Variants in PDK1 observed in about 807,000 individuals in gnomAD.
PDK1 encodes the protein [Pyruvate dehydrogenase (acetyl-transferring)] kinase isozyme 1, mitochondrial.
A neutral mutation model predicts 54.2 loss-of-function variants in PDK1; 39 were observed. The observed-to-expected ratio is 0.72, with a 90% confidence interval of 0.56 to 0.94. PDK1 has a LOEUF of 0.94. Among genes scored for constraint, PDK1 ranks in the 40% least tolerant of loss-of-function variants. PDK1 has a pLI of 0.00. For synonymous variants in PDK1, 221 were observed against 207.1 expected, an observed-to-expected ratio of 1.07 and a Z score of -0.58; for missense variants, 552 against 566.0, an observed-to-expected ratio of 0.98 and a Z score of 0.25.
intron 8 of PDK1, among the ~76,000 whole-genome samples, chr2:172,584,440 C>T (rs1006327653): frequency 3.3e-5 from 5 of 150,244 alleles, no homozygotes; most frequent in Non-Finnish European, 5.9e-5. Flanking sequence ...ATATGGAGTT[C>T]TATATAATAT....
the PDK1 span, among the ~76,000 whole-genome samples, chr2:172,675,593 G>A: frequency 6.6e-6 from 1 of 152,204 alleles, no homozygotes; most frequent in African/African-American, 2.4e-5. Flanking sequence ...TGAGAGAGGT[G>A]AGGAAGCTAC....
At position 172,558,823 on chromosome 2, in the gene PDK1, A is replaced by G. The variant is rs1688499315; in HGVS notation, c.312A>G (p.Thr104=). 2.5e-6 allele frequency: 4 copies of G among 1,612,106 alleles called. No individual in the cohort carries two copies. Among genetic ancestry groups the G allele is most frequent in the Non-Finnish European group, 3.4e-6 (4 of 1,179,286 alleles). The change falls in exon 2 of 11, where the codon ACA becomes ACG. Residue 104 remains threonine, a synonymous_variant. Coordinates refer to ENST00000282077, the MANE Select transcript of PDK1 (RefSeq NM_002610.5). The part of the protein sequence containing the change: ...ISLLPDNLLR[T]PSVQLVQSWY... ...TCCTTCCAGATAATCTTCTCAGGAC[A>G]CCATCCGTTCAATTGGTACAAAGCT...
At position 172,556,125 on chromosome 2, in the gene PDK1, C is replaced by G. The variant is rs1194258591; in HGVS notation, c.-26C>G. The G allele has an allele frequency of 7.2e-7, 1 of 1,381,594 alleles. No homozygotes were observed. The highest frequency in any genetic ancestry group is 1.5e-5 in the African/African-American group (1 of 65,458). The allele number at this position is 1,381,594 out of a possible 1,614,324, so 85.6% of individuals were successfully genotyped here. ...GGCGCGGGGAAACCTGGCGTACTGG[C>G]TGTGGCTTCTCTAGCGGGACTCGGC... On this transcript the variant is annotated 5_prime_UTR_variant, in exon 1 of 11. Transcript: ENST00000282077.
chr2:172,702,338 A>G, the PDK1 span, among the ~76,000 whole-genome samples: 11 of 152,158 alleles, frequency 7.2e-5, no homozygotes, highest in East Asian at 1.2e-3. Context: ...TTAGCGGCGC[A>G]TGATGGCGGA....
rs1026547853 is a variant in PDK1 at position 172,571,524 on chromosome 2, C to A, written c.945+700C>A. Among the ~76,000 whole-genome samples, 3 of 152,206 alleles carry A rather than the reference C, an allele frequency of 2.0e-5. No individual in the cohort carries two copies. In the South Asian group the frequency reaches 6.2e-4, roughly 32 times the overall value. ...GACTGCAGGCTGCAGGCATGCAAGC[C>A]TGGCTAATTAAAAGAATTTTTTGGT... On this transcript the variant is annotated intron_variant, in intron 8 of 10. Transcript: ENST00000282077.
the PDK1 span, among the ~76,000 whole-genome samples, chr2:172,720,363 C>T: frequency 2.0e-5 from 3 of 152,146 alleles, no homozygotes; most frequent in Admixed American, 6.5e-5. Context: ...AATCCGCCCA[C>T]CTCGGCCTCC....
the PDK1 span, among the ~76,000 whole-genome samples, chr2:172,669,092 C>G: frequency 8.0e-6 from 1 of 124,630 alleles, no homozygotes; most frequent in African/African-American, 3.1e-5. Context: ...CGGAGTCTCG[C>G]TCTGTCGCCC....
the PDK1 span, among the ~76,000 whole-genome samples, chr2:172,670,642 A>C: frequency 6.6e-6 from 1 of 152,244 alleles, no homozygotes; most frequent in Non-Finnish European, 1.5e-5. Context: ...CATTAAAAAA[A>C]TTAAGGTTTT....
chr2:172,556,578 A>T, intron 1 of PDK1: 1 of 375,184 alleles, frequency 2.7e-6, no homozygotes, highest in Non-Finnish European at 4.7e-6. Flanking sequence ...GTTGAAAACA[A>T]ACCAGCTGGG....
chr2:172,651,829 G>C, the PDK1 span, among the ~76,000 whole-genome samples: 1 of 152,070 alleles, frequency 6.6e-6, no homozygotes, highest in African/African-American at 2.4e-5. Flanking sequence ...ATAATTAATA[G>C]CCTACCAACC....
chr2:172,669,896 G>T, the PDK1 span, among the ~76,000 whole-genome samples: 1 of 152,082 alleles, frequency 6.6e-6, no homozygotes, highest in African/African-American at 2.4e-5. Flanking sequence ...GTATATTTTG[G>T]ATATTAACAC....
chr2:172,574,138 C>A (rs527575218), intron 8 of PDK1, among the ~76,000 whole-genome samples: 11 of 152,268 alleles, frequency 7.2e-5, no homozygotes, highest in African/African-American at 2.6e-4. Context: ...CATCTTCATT[C>A]TTTTGCATGT....
At chr2:172,561,558 G>A (rs6728257) in intron 2 of PDK1, among the ~76,000 whole-genome samples, 6,164 of 152,252 alleles carry the variant, frequency 0.04, 422 homozygotes, top group African/African-American at 0.14. Context: ...CTCTGGCCCC[G>A]CAGTGCCATT....
the PDK1 span, among the ~76,000 whole-genome samples, chr2:172,650,591 C>T: frequency 3.9e-5 from 6 of 151,974 alleles, no homozygotes; most frequent in East Asian, 1.9e-4. Context: ...ACCCATCTCA[C>T]GTGCAGAGAC....
chr2:172,655,536 G>T, the PDK1 span, among the ~76,000 whole-genome samples: 1 of 152,204 alleles, frequency 6.6e-6, no homozygotes, highest in Non-Finnish European at 1.5e-5. Context: ...AAAGTGCTAA[G>T]CCATATCTTC....
the PDK1 span, among the ~76,000 whole-genome samples, chr2:172,625,426 G>A: frequency 6.6e-6 from 1 of 152,188 alleles, no homozygotes; most frequent in African/African-American, 2.4e-5. Flanking sequence ...CAGGCAGAGT[G>A]ATGTTCCTGG....
At chr2:172,711,865 C>CAAAAAAAAAAAAAAAAA in the PDK1 span, among the ~76,000 whole-genome samples, 4 of 22,784 alleles carry the variant, frequency 1.8e-4, no homozygotes, top group East Asian at 3.7e-3. Context: ...GAACCTAGCT[C>CAAAAAAAAAAAAAAAAA]AAAAAAAAAA....
chr2:172,678,277 A>G, the PDK1 span, among the ~76,000 whole-genome samples: 1 of 152,014 alleles, frequency 6.6e-6, no homozygotes, highest in Non-Finnish European at 1.5e-5. Flanking sequence ...ACCACTGGCT[A>G]TAATTATTCT....
chr2:172,703,530 A>G, the PDK1 span, among the ~76,000 whole-genome samples: 1 of 152,192 alleles, frequency 6.6e-6, no homozygotes, highest in Non-Finnish European at 1.5e-5. Context: ...ATCTGCTATC[A>G]TAAGTAATTC....
Sources: allele counts gnomAD v4.1 joint callset (sites outside exome capture counted in the v4.1 genomes callset), GRCh38; gene constraint gnomAD v4.1.1; transcripts MANE v1.5; gene names NCBI Gene and HGNC (gene_info 2026-07-23, HGNC 2026-07-21).